Variants in MTHFD2L observed in about 807,000 individuals in gnomAD.
MTHFD2L encodes the protein bifunctional methylenetetrahydrofolate dehydrogenase/cyclohydrolase 2, mitochondrial.
MTHFD2L carries 29 observed loss-of-function variants against 34.9 expected under a neutral mutation model. The observed-to-expected ratio is 0.83, with a 90% CI of 0.62 to 1.13. The LOEUF (loss-of-function observed/expected upper bound fraction) is 1.13, where lower values mean the gene tolerates loss of function less well. MTHFD2L is among the 50% of genes most tolerant of loss of function. The probability of loss-of-function intolerance (pLI) is 0.00; values close to 1 mark genes in which losing one functional copy is unlikely to be tolerated. For synonymous variants in MTHFD2L, 167 were observed against 155.7 expected, an observed-to-expected ratio of 1.07 and a Z score of -0.54; for missense variants, 481 against 446.5, an observed-to-expected ratio of 1.08 and a Z score of -0.70.
intron 1 of MTHFD2L, among the ~76,000 whole-genome samples, chr4:74,171,749 G>T (rs1196705203): frequency 6.6e-6 from 1 of 152,142 alleles, no homozygotes; most frequent in East Asian, 1.9e-4. Flanking sequence ...GTTGTAGTGA[G>T]CCGAGATCTT....
chr4:74,167,458 G>A (rs986952594), intron 1 of MTHFD2L, among the ~76,000 whole-genome samples: 2 of 152,224 alleles, frequency 1.3e-5, no homozygotes, highest in Non-Finnish European at 2.9e-5. Flanking sequence ...AGAGCTACAG[G>A]CTGCCTATCC....
chr4:74,223,254 C>G (rs1029717196), intron 5 of MTHFD2L, among the ~76,000 whole-genome samples: 1 of 151,868 alleles, frequency 6.6e-6, no homozygotes, highest in Non-Finnish European at 1.5e-5. Context: ...TACATACACA[C>G]ACACACATAC....
intron 7 of MTHFD2L, among the ~76,000 whole-genome samples, chr4:74,295,711 A>C (rs1329637682): frequency 6.6e-6 from 1 of 152,104 alleles, no homozygotes; most frequent in Admixed American, 6.6e-5. Flanking sequence ...TACCTCTTCC[A>C]TGTCACCTCC....
chr4:74,205,746 A>G (rs1304655335), intron 5 of MTHFD2L, among the ~76,000 whole-genome samples: 1 of 152,118 alleles, frequency 6.6e-6, no homozygotes, highest in Non-Finnish European at 1.5e-5. Context: ...TGCAGAGGAT[A>G]TAGCACTTTA....
chr4:74,145,253 A>G (rs1396297385), intron 1 of MTHFD2L, among the ~76,000 whole-genome samples: 5 of 152,176 alleles, frequency 3.3e-5, no homozygotes, highest in African/African-American at 1.2e-4. Flanking sequence ...TAAAAAGGCA[A>G]TCAAAATAAT....
intron 6 of MTHFD2L, among the ~76,000 whole-genome samples, chr4:74,244,477 G>C (rs1048320020): frequency 6.6e-6 from 1 of 151,364 alleles, no homozygotes; most frequent in African/African-American, 2.4e-5. Flanking sequence ...AGCAAAAGCA[G>C]TATCCCCACT....
chr4:74,116,919 C>T (rs1721664500), intron 2 of MTHFD2L, among the ~76,000 whole-genome samples: 1 of 152,232 alleles, frequency 6.6e-6, no homozygotes, highest in Non-Finnish European at 1.5e-5. Context: ...TTAAAATTAG[C>T]TTGTTAGGTT....
intron 1 of MTHFD2L, among the ~76,000 whole-genome samples, chr4:74,126,613 G>A (rs1722092972): frequency 6.6e-6 from 1 of 151,922 alleles, no homozygotes; most frequent in Admixed American, 6.6e-5. Flanking sequence ...CAACTTTAAA[G>A]TTTATTACAA....
intron 5 of MTHFD2L, among the ~76,000 whole-genome samples, chr4:74,220,678 A>T (rs541322795): frequency 6.6e-6 from 1 of 151,642 alleles, no homozygotes; most frequent in African/African-American, 2.4e-5. Flanking sequence ...TAAGTATTTT[A>T]TCTTTTGTAC....
At chr4:74,301,657 TTAAAA>T in intron 7 of MTHFD2L, 35 bp from the exon 8 acceptor site, 1 of 1,219,776 alleles carries the variant, frequency 8.2e-7, no homozygotes, top group Non-Finnish European at 1.2e-6. Flanking sequence ...CTCAGATATT[TTAAAA>T]TAAAGAATAT....
intron 1 of MTHFD2L, among the ~76,000 whole-genome samples, chr4:74,129,947 A>G (rs1398219168): frequency 6.6e-6 from 1 of 152,196 alleles, no homozygotes; most frequent in African/African-American, 2.4e-5. Context: ...ATCAGAGAAT[A>G]CTATAAACAC....
At chr4:74,197,490 C>T (rs1465538618) in intron 3 of MTHFD2L, among the ~76,000 whole-genome samples, 1 of 152,072 alleles carries the variant, frequency 6.6e-6, no homozygotes, top group African/African-American at 2.4e-5. Context: ...AGAAACAATA[C>T]ATTTCTTGGG....
chr4:74,289,838 G>C (rs896431221), intron 7 of MTHFD2L, among the ~76,000 whole-genome samples: 4 of 152,104 alleles, frequency 2.6e-5, no homozygotes, highest in Non-Finnish European at 5.9e-5. Context: ...CAAGAGTGGA[G>C]GTGCCAGTTC....
chr4:74,155,538 ATTGT>A (rs1286364454), upstream of MTHFD2L, among the ~76,000 whole-genome samples: 3 of 152,156 alleles, frequency 2.0e-5, no homozygotes, highest in African/African-American at 7.2e-5. Flanking sequence ...TGTAGTGAGA[ATTGT>A]TTGTTAATTA....
intron 6 of MTHFD2L, among the ~76,000 whole-genome samples, chr4:74,238,050 A>C (rs998840449): frequency 6.6e-6 from 1 of 152,180 alleles, no homozygotes; most frequent in Non-Finnish European, 1.5e-5. Context: ...TTAGATCTAT[A>C]GTCATTATTA....
At chr4:74,196,881 G>T (rs1035605246) in intron 3 of MTHFD2L, among the ~76,000 whole-genome samples, 12 of 151,522 alleles carry the variant, frequency 7.9e-5, no homozygotes, top group Admixed American at 6.6e-4. Context: ...AGGAGGCGGA[G>T]GTTGCAGTGA....
intron 2 of MTHFD2L, among the ~76,000 whole-genome samples, chr4:74,117,237 A>G (rs2109765024): frequency 6.6e-6 from 1 of 152,344 alleles, no homozygotes; most frequent in East Asian, 1.9e-4. Flanking sequence ...AACAGAAGGA[A>G]CCTGGCCTCG....
At chr4:74,129,511 A>C (rs1285880819) in intron 1 of MTHFD2L, among the ~76,000 whole-genome samples, 1 of 152,160 alleles carries the variant, frequency 6.6e-6, no homozygotes, top group Non-Finnish European at 1.5e-5. Flanking sequence ...CAAAGGCATA[A>C]ATAAATAAGT....
chr4:74,218,592 T>C (rs563135363), intron 5 of MTHFD2L, among the ~76,000 whole-genome samples: 99 of 150,696 alleles, frequency 6.6e-4, no homozygotes, highest in Middle Eastern at 3.4e-3. Flanking sequence ...GAACAGTGAA[T>C]TCCTCATTAA....
Sources: allele counts gnomAD v4.1 joint callset (sites outside exome capture counted in the v4.1 genomes callset), GRCh38; gene constraint gnomAD v4.1.1; transcripts MANE v1.5; gene names NCBI Gene and HGNC (gene_info 2026-07-23, HGNC 2026-07-21).